The following ARFGAP3 variants were observed in gnomAD, a reference collection of about 807,000 sequenced individuals.
The protein encoded by ARFGAP3 is ADP-ribosylation factor GTPase-activating protein 3.
ARFGAP3 carries 72 observed loss-of-function variants against 75.0 expected under a neutral mutation model. The observed-to-expected ratio is 0.96, with a 90% CI of 0.79 to 1.17. The LOEUF (loss-of-function observed/expected upper bound fraction) is 1.17. ARFGAP3 is among the 50% of genes most tolerant of loss of function. The pLI, the probability that ARFGAP3 is intolerant of heterozygous loss-of-function variation, is 0.00. For synonymous variants in ARFGAP3, 221 were observed against 217.9 expected (o/e 1.01, Z -0.13); for missense variants, 620 against 626.6 (o/e 0.99, Z 0.11).
intron 13 of ARFGAP3, among the ~76,000 whole-genome samples, chr22:42,807,840 G>C (rs1165939122): frequency 6.8e-6 from 1 of 147,954 alleles, no homozygotes; most frequent in Non-Finnish European, 1.5e-5. Context: ...CTCTGCTTCT[G>C]GGTTCGAGCG....
At chr22:42,809,807 T>G (rs534228067) in intron 12 of ARFGAP3, among the ~76,000 whole-genome samples, 88 of 151,330 alleles carry the variant, frequency 5.8e-4, no homozygotes, top group African/African-American at 2.1e-3. Flanking sequence ...ATCGAGACCA[T>G]CCTTGCTAAC....
At position 42,797,691 on chromosome 22, in the gene ARFGAP3, T is replaced by G. The variant is rs994483643; in HGVS notation, c.1534-86A>C. ...CCCTGAATATTCAGCATCACCCAAA[T>G]TGACACTGCAGCCCATGTCAGGCAT... On this transcript the variant is annotated intron_variant, in intron 15 of 15. Transcript: ENST00000263245. 3 of 1,613,112 alleles carry G rather than the reference T, an allele frequency of 1.9e-6. No homozygotes were observed. In the East Asian group the frequency reaches 6.7e-5, roughly 36 times the overall value.
intron 12 of ARFGAP3, among the ~76,000 whole-genome samples, chr22:42,809,809 C>T (rs1272410075): frequency 1.3e-5 from 2 of 151,678 alleles, no homozygotes; most frequent in Non-Finnish European, 2.9e-5. Context: ...CGAGACCATC[C>T]TTGCTAACAT....
At chr22:42,832,793 C>T (rs1484672093) in intron 5 of ARFGAP3, among the ~76,000 whole-genome samples, 1 of 151,924 alleles carries the variant, frequency 6.6e-6, no homozygotes, top group Non-Finnish European at 1.5e-5. Context: ...TGAGACAAGC[C>T]TGACCAACAT....
chr22:42,853,430 G>A, intron 1 of ARFGAP3: 2 of 220,748 alleles, frequency 9.1e-6, no homozygotes, highest in Non-Finnish European at 1.9e-5. Context: ...TCCCCACTGA[G>A]CTTGAACAAG....
At chr22:42,835,606 G>A (rs555185846) in intron 3 of ARFGAP3, 113 bp from the exon 4 acceptor site, 1 of 1,208,048 alleles carries the variant, frequency 8.3e-7, no homozygotes, top group African/African-American at 1.5e-5. Flanking sequence ...CAGATCACGA[G>A]GTCGGGAGAT....
At position 42,817,790 on chromosome 22, in the gene ARFGAP3, T is replaced by C. The variant is rs570331646; in HGVS notation, c.880A>G (p.Ile294Val). ...IQMKKDEKMN[I>V]SGKKNVDSDR... Reference sequence around the variant, plus strand: ...GAGTCAACATTTTTTTTGCCACTAATGTTCATCTTTTCGTCTTTCTTCATT... The same window carrying C: ...GAGTCAACATTTTTTTTGCCACTAACGTTCATCTTTTCGTCTTTCTTCATT... The change falls in exon 10 of 16, where the codon ATT becomes GTT. Residue 294 changes from isoleucine (I) to valine (V), a missense_variant. Transcript: ENST00000263245. 6.2e-7 allele frequency: 1 copy of C among 1,613,674 alleles called. No homozygotes were observed. Among genetic ancestry groups the C allele is most frequent in the East Asian group, 2.2e-5 (1 of 44,826 alleles).
intron 11 of ARFGAP3, among the ~76,000 whole-genome samples, chr22:42,812,628 G>A (rs186193505): frequency 9.8e-5 from 15 of 152,348 alleles, no homozygotes; most frequent in Admixed American, 2.0e-4. Flanking sequence ...TGGGGGAAAT[G>A]CTAAGAACAC....
Position 42,834,136 on chromosome 22 carries a change from C to T in ARFGAP3, c.477+106G>A. ...TCTCTTCAGTAGTTATGTTTCAGCACTTCTTGTTACAAGAGCTTAGCCTAC... is the reference window on the plus strand; with the variant it reads ...TCTCTTCAGTAGTTATGTTTCAGCATTTCTTGTTACAAGAGCTTAGCCTAC... On this transcript the variant is annotated intron_variant, in intron 5 of 15. Transcript: ENST00000263245. The T allele has an allele frequency of 5.7e-6, 6 of 1,055,178 alleles. No individual in the cohort carries two copies. The South Asian group carries it at 9.3e-5, about 16-fold the overall frequency. The allele number at this position is 1,055,178 out of a possible 1,614,324, so 65.4% of individuals were successfully genotyped here.
At chr22:42,814,381 G>C (rs1479709131) in intron 11 of ARFGAP3, among the ~76,000 whole-genome samples, 2 of 152,198 alleles carry the variant, frequency 1.3e-5, no homozygotes, top group East Asian at 1.9e-4. Context: ...AGGAGGACTA[G>C]AGAAGGCATT....
intron 9 of ARFGAP3, among the ~76,000 whole-genome samples, chr22:42,818,663 A>G (rs1353946752): frequency 6.6e-6 from 1 of 151,900 alleles, no homozygotes. Flanking sequence ...AGGGCCCTGA[A>G]AAATGATCTA....
Position 42,838,290 on chromosome 22 carries a change from A to ATATATAT in ARFGAP3, c.261+2653_261+2654insATATATA, listed in dbSNP as rs1555899059. ...TACACACACACATATATATATATAT[A>ATATATAT]TTTTTTTTTTCTTTTTTTTTTTTCT... On this transcript the variant is annotated intron_variant, in intron 3 of 15. Coordinates refer to ENST00000263245, the MANE Select transcript of ARFGAP3 (RefSeq NM_014570.5). Among the ~76,000 whole-genome samples, 857 of 137,164 alleles carry ATATATAT rather than the reference A, an allele frequency of 6.2e-3. 10 individuals carry two copies. The highest frequency in any genetic ancestry group is 0.041 in the Middle Eastern group (11 of 268). 90.0% of individuals were successfully genotyped at this position (137,164 alleles called of 152,430 possible).
chr22:42,824,834 T>TC (rs1183981619), intron 7 of ARFGAP3, among the ~76,000 whole-genome samples: 1 of 152,168 alleles, frequency 6.6e-6, no homozygotes, highest in African/African-American at 2.4e-5. Context: ...CAGCTCTTGT[T>TC]CCCCTCTCTC....
intron 9 of ARFGAP3, 101 bp downstream of exon 9, chr22:42,822,169 C>CG: frequency 1.0e-6 from 1 of 967,494 alleles, no homozygotes; most frequent in Non-Finnish European, 1.6e-6. Context: ...AGTACCCTCC[C>CG]TTCCCCCCCC....
intron 14 of ARFGAP3, among the ~76,000 whole-genome samples, chr22:42,805,766 C>T (rs1569135735): frequency 1.3e-5 from 2 of 152,200 alleles, no homozygotes; most frequent in Non-Finnish European, 2.9e-5. Context: ...CCCCCAGGCA[C>T]CCTCACACTC....
chr22:42,821,600 T>C (rs537176310), intron 9 of ARFGAP3, among the ~76,000 whole-genome samples: 1 of 152,268 alleles, frequency 6.6e-6, no homozygotes, highest in Non-Finnish European at 1.5e-5. Flanking sequence ...TGTATGGACA[T>C]ACCACATTTT....
At position 42,831,786 on chromosome 22, in the gene ARFGAP3, TTTC is replaced by T. The variant is rs1298324558; in HGVS notation, c.478-153_478-151del. On this transcript the variant is annotated intron_variant, in intron 5 of 15. Coordinates refer to ENST00000263245, the MANE Select transcript of ARFGAP3 (RefSeq NM_014570.5). The stretch of plus-strand genomic sequence containing the variant: ...GAAGGCATATCTACTTTTTTCTTGC[TTTC>T]TTTTTTTTTTAGAAACAGGGTCTTG... 3 of 1,429,026 alleles carry T rather than the reference TTTC, an allele frequency of 2.1e-6. No homozygotes were observed. The African/African-American group carries it at 4.3e-5, about 21-fold the overall frequency. The allele number at this position is 1,429,026 out of a possible 1,614,324, so 88.5% of individuals were successfully genotyped here.
At chr22:42,842,304 C>CTTT (rs58205841) in intron 2 of ARFGAP3, among the ~76,000 whole-genome samples, 1 of 120,370 alleles carries the variant, frequency 8.3e-6, no homozygotes. Flanking sequence ...CGTGCCTGGC[C>CTTT]TTTTTTTTTT....
chr22:42,856,658 G>A (rs976441412), intron 1 of ARFGAP3, among the ~76,000 whole-genome samples: 11 of 152,310 alleles, frequency 7.2e-5, no homozygotes, highest in Middle Eastern at 6.8e-3. Flanking sequence ...CGCAAGGCCC[G>A]AGGAGCCAAG....
Sources: allele counts gnomAD v4.1 joint callset (sites outside exome capture counted in the v4.1 genomes callset), GRCh38; gene constraint gnomAD v4.1.1; transcripts MANE v1.5; gene names NCBI Gene and HGNC (gene_info 2026-07-23, HGNC 2026-07-21).